The following FOXP1 variants were observed in gnomAD, a reference collection of about 807,000 sequenced individuals.
The protein encoded by FOXP1 is forkhead box P1.
In FOXP1, 15 loss-of-function variants were observed where a neutral mutation model predicts 98.2. That is an observed-to-expected ratio of 0.15 (90% CI 0.10 to 0.24). FOXP1 has a LOEUF of 0.24. Among genes scored for constraint, FOXP1 ranks in the 10% least tolerant of loss-of-function variants. The pLI, the probability that FOXP1 is intolerant of heterozygous loss-of-function variation, is 1.00. For missense variants in FOXP1, 633 were observed against 848.5 expected (o/e 0.75, Z 3.15); for synonymous variants, 371 against 314.5 (o/e 1.18, Z -1.90).
At chr3:71,446,036 GGTGA>G (rs34045911) in intron 3 of FOXP1, among the ~76,000 whole-genome samples, 63,378 of 149,024 alleles carry the variant, frequency 0.43, 13,515 homozygotes, top group African/African-American at 0.45. Flanking sequence ...ACAACTCATA[GGTGA>G]GTGAGTGAGT....
At chr3:71,078,221 T>C (rs1455880950) in intron 7 of FOXP1, among the ~76,000 whole-genome samples, 2 of 152,176 alleles carry the variant, frequency 1.3e-5, no homozygotes, top group African/African-American at 4.8e-5. Flanking sequence ...TTTCACATAG[T>C]GTTAAGGAAA....
At chr3:71,214,071 G>A (rs2064722456) in intron 5 of FOXP1, among the ~76,000 whole-genome samples, 1 of 151,088 alleles carries the variant, frequency 6.6e-6, no homozygotes, top group South Asian at 2.1e-4. Flanking sequence ...ACAGCCAGAA[G>A]CTGGTGATAA....
intron 4 of FOXP1, among the ~76,000 whole-genome samples, chr3:71,335,448 T>C (rs1383909641): frequency 6.6e-6 from 1 of 152,306 alleles, no homozygotes; most frequent in Non-Finnish European, 1.5e-5. Flanking sequence ...TTATGGGATA[T>C]TCTAATGCTA....
chr3:71,096,141 TAAGGTCAG>T, intron 7 of FOXP1, among the ~76,000 whole-genome samples: 1 of 152,144 alleles, frequency 6.6e-6, no homozygotes, highest in East Asian at 1.9e-4. Flanking sequence ...ATTGCTGAAA[TAAGGTCAG>T]AGAGTTCATT....
intron 4 of FOXP1, among the ~76,000 whole-genome samples, chr3:71,303,028 G>T (rs893879059): frequency 6.6e-6 from 1 of 152,102 alleles, no homozygotes; most frequent in African/African-American, 2.4e-5. Context: ...ATAATACACG[G>T]TGTCCACTAG....
At chr3:71,138,336 C>T (rs956577472) in intron 6 of FOXP1, among the ~76,000 whole-genome samples, 1 of 152,124 alleles carries the variant, frequency 6.6e-6, no homozygotes, top group African/African-American at 2.4e-5. Flanking sequence ...GTTAATAATA[C>T]ATCATTATCA....
chr3:71,030,356 G>A lies in FOXP1; in HGVS notation c.869+10972C>T, dbSNP rs376717441. On this transcript the variant is annotated intron_variant, in intron 11 of 20. Coordinates refer to ENST00000649528, the MANE Select transcript of FOXP1 (RefSeq NM_001349338.3). ...CTGATGTGCCCTTAGATTGGAGGGG[G>A]TCTTCCCTTTCTTATTCACGTTTGT... Among the ~76,000 whole-genome samples, 7 of 152,304 alleles carry A rather than the reference G, an allele frequency of 4.6e-5. No individual in the cohort carries two copies. The East Asian group carries it at 1.2e-3, about 25-fold the overall frequency.
At chr3:71,255,390 A>G (rs2107113896) in intron 5 of FOXP1, among the ~76,000 whole-genome samples, 1 of 152,028 alleles carries the variant, frequency 6.6e-6, no homozygotes, top group African/African-American at 2.4e-5. Flanking sequence ...GTTAAGCCTA[A>G]CCCTCTAAAA....
chr3:71,583,011 T>G (rs1402266797), intron 1 of FOXP1, among the ~76,000 whole-genome samples: 1 of 152,014 alleles, frequency 6.6e-6, no homozygotes, highest in East Asian at 1.9e-4. Context: ...AAGTCTAAAC[T>G]TTGGGCCTAG....
At chr3:71,224,933 A>G (rs1330066700) in intron 5 of FOXP1, among the ~76,000 whole-genome samples, 1 of 152,232 alleles carries the variant, frequency 6.6e-6, no homozygotes, top group Non-Finnish European at 1.5e-5. Flanking sequence ...TTGGCACATC[A>G]CAGTCAATAT....
intron 3 of FOXP1, among the ~76,000 whole-genome samples, chr3:71,443,791 G>A (rs1341727218): frequency 6.6e-6 from 1 of 152,160 alleles, no homozygotes; most frequent in Non-Finnish European, 1.5e-5. Context: ...AAGAATGGAG[G>A]CTATTTCTCA....
At chr3:71,499,373 T>C (rs2041159682) in intron 2 of FOXP1, among the ~76,000 whole-genome samples, 2 of 152,190 alleles carry the variant, frequency 1.3e-5, no homozygotes, top group African/African-American at 4.8e-5. Context: ...CTCCCTTGGT[T>C]TGAGAATGCT....
At chr3:71,421,916 G>A (rs984754279) in intron 3 of FOXP1, among the ~76,000 whole-genome samples, 2 of 152,192 alleles carry the variant, frequency 1.3e-5, no homozygotes, top group African/African-American at 4.8e-5. Flanking sequence ...AAGCTCAGAA[G>A]GCAAGTCATA....
At chr3:71,316,183 C>T (rs2075062903) in intron 4 of FOXP1, among the ~76,000 whole-genome samples, 1 of 152,166 alleles carries the variant, frequency 6.6e-6, no homozygotes, top group Admixed American at 6.5e-5. Context: ...TTAATTGCTA[C>T]AGACGGGTCG....
At chr3:71,254,334 T>C (rs961066952) in intron 5 of FOXP1, among the ~76,000 whole-genome samples, 5 of 152,110 alleles carry the variant, frequency 3.3e-5, no homozygotes, top group African/African-American at 1.2e-4. Context: ...GGTAGGTAGG[T>C]TGGGCACACA....
chr3:71,423,800 A>T (rs1024555988), intron 3 of FOXP1, among the ~76,000 whole-genome samples: 1 of 152,198 alleles, frequency 6.6e-6, no homozygotes, highest in Non-Finnish European at 1.5e-5. Flanking sequence ...CGCCCCGCCC[A>T]TTCTATGTGT....
At chr3:71,149,044 T>C (rs1217170001) in intron 6 of FOXP1, among the ~76,000 whole-genome samples, 1 of 152,206 alleles carries the variant, frequency 6.6e-6, no homozygotes, top group South Asian at 2.1e-4. Context: ...GCTTGTACAG[T>C]TAGTCAATAA....
At chr3:70,972,501 T>C (rs1394498258) in intron 18 of FOXP1, 54 bp downstream of exon 18, 7 of 1,612,100 alleles carry the variant, frequency 4.3e-6, no homozygotes, top group South Asian at 1.1e-5. Context: ...CTCTACGTTA[T>C]ACTTGTTAGC....
At chr3:71,107,856 A>C (rs1240446366) in intron 7 of FOXP1, among the ~76,000 whole-genome samples, 2 of 152,244 alleles carry the variant, frequency 1.3e-5, no homozygotes, top group African/African-American at 4.8e-5. Context: ...TGTTTTATAT[A>C]ACTGCAAATA....
Sources: gnomAD v4.1 joint callset for allele counts (sites outside exome capture counted in the v4.1 genomes callset) on GRCh38, gnomAD v4.1.1 for gene constraint, MANE v1.5 for transcripts, NCBI Gene and HGNC (gene_info 2026-07-23, HGNC 2026-07-21) for gene names.